FHIT: variants seen among roughly 807,000 people sequenced by gnomAD.
FHIT encodes the protein bis(5'-adenosyl)-triphosphatase.
In FHIT, 19 loss-of-function variants were observed where a neutral mutation model predicts 17.9. The observed-to-expected ratio is 1.06, with a 90% CI of 0.74 to 1.56. FHIT has a LOEUF of 1.56. FHIT is among the 40% of genes most tolerant of loss of function. The pLI is 0.00. For synonymous variants in FHIT, 81 were observed against 69.7 expected, an observed-to-expected ratio of 1.16 and a Z score of -0.81; for missense variants, 248 against 189.2, an observed-to-expected ratio of 1.31 and a Z score of -1.82.
intron 5 of FHIT, among the ~76,000 whole-genome samples, chr3:60,356,141 T>C (rs1434462202): frequency 6.6e-6 from 1 of 152,118 alleles, no homozygotes; most frequent in Non-Finnish European, 1.5e-5. Flanking sequence ...CATTTATGAG[T>C]GGTATTTAAA....
At chr3:60,566,202 G>A (rs1438180168) in intron 4 of FHIT, among the ~76,000 whole-genome samples, 1 of 152,106 alleles carries the variant, frequency 6.6e-6, no homozygotes, top group African/African-American at 2.4e-5. Context: ...TGGAATCAGT[G>A]CGGTGCGGTG....
intron 2 of FHIT, among the ~76,000 whole-genome samples, chr3:61,043,218 A>G (rs959747853): frequency 7.2e-5 from 11 of 152,222 alleles, no homozygotes; most frequent in African/African-American, 2.4e-4. Flanking sequence ...GGAAGCTGTG[A>G]CAAATGGTAC....
intron 4 of FHIT, among the ~76,000 whole-genome samples, chr3:60,660,141 A>G (rs2040206346): frequency 6.6e-6 from 1 of 152,200 alleles, no homozygotes; most frequent in African/African-American, 2.4e-5. Context: ...AAGAAAAAAA[A>G]TGAAAACAAA....
At chr3:59,957,875 C>G (rs1017793088) in intron 7 of FHIT, among the ~76,000 whole-genome samples, 1 of 152,274 alleles carries the variant, frequency 6.6e-6, no homozygotes, top group Non-Finnish European at 1.5e-5. Flanking sequence ...ACTCAGTAAA[C>G]AAATATTTCT....
intron 2 of FHIT, among the ~76,000 whole-genome samples, chr3:61,070,712 C>T (rs2034775900): frequency 6.6e-6 from 1 of 152,118 alleles, no homozygotes; most frequent in South Asian, 2.1e-4. Flanking sequence ...TCTTTGTACC[C>T]CCTGAAATAC....
chr3:60,022,765 A>T (rs954376380), intron 5 of FHIT, among the ~76,000 whole-genome samples: 2 of 152,210 alleles, frequency 1.3e-5, no homozygotes, highest in African/African-American at 4.8e-5. Context: ...GGAGGAAAAA[A>T]ATATTAGCGT....
chr3:60,758,982 C>T (rs566949314), intron 4 of FHIT, among the ~76,000 whole-genome samples: 11 of 152,124 alleles, frequency 7.2e-5, no homozygotes, highest in South Asian at 2.1e-4. Context: ...CAAGCTACGG[C>T]GATGTCCAGG....
rs115153582 is a variant in FHIT, at chr3:60,172,984, A to G, written c.104-158832T>C. ...ATGATATGGGTAACGAATAAAACAC[A>G]TTCCCCCTATCTCCATTCTGTATGT... On this transcript the variant is annotated intron_variant, in intron 5 of 9. Coordinates refer to ENST00000492590, the MANE Select transcript of FHIT (RefSeq NM_002012.4). 8.1e-3 allele frequency among the ~76,000 whole-genome samples: 1,235 copies of G among 152,254 alleles called. 5 individuals are homozygous for G. The highest frequency in any genetic ancestry group is 0.017 in the Middle Eastern group (5 of 294).
At chr3:60,139,381 A>G (rs1699940093) in intron 5 of FHIT, among the ~76,000 whole-genome samples, 1 of 33,414 alleles carries the variant, frequency 3.0e-5, no homozygotes, top group Non-Finnish European at 5.4e-5. Flanking sequence ...TAACCAGAGA[A>G]CTAAAAAGGG....
chr3:60,782,530 ACT>A lies in FHIT; in HGVS notation c.-18+39387_-18+39388del, dbSNP rs1228602102. On this transcript the variant is annotated intron_variant, in intron 4 of 9. Coordinates refer to ENST00000492590, the MANE Select transcript of FHIT (RefSeq NM_002012.4). ...CAATGCTTGATGCTATCCCTGACAC[ACT>A]CTCTCTAGCAACAAGTTCCTTTTCT... Among the ~76,000 whole-genome samples the A allele has an allele frequency of 1.3e-5, 2 of 151,978 alleles. 1 individual carries two copies. Among genetic ancestry groups the A allele is most frequent in the African/African-American group, 4.8e-5 (2 of 41,366 alleles).
At chr3:59,780,607 G>T (rs1276373855) in intron 8 of FHIT, among the ~76,000 whole-genome samples, 3 of 152,188 alleles carry the variant, frequency 2.0e-5, no homozygotes, top group South Asian at 2.1e-4. Context: ...GGCCTTCGCA[G>T]AGGTGATTAG....
intron 5 of FHIT, among the ~76,000 whole-genome samples, chr3:60,519,874 C>CT (rs2035295210): frequency 6.6e-6 from 1 of 152,070 alleles, no homozygotes; most frequent in Non-Finnish European, 1.5e-5. Context: ...TGAGAGATCA[C>CT]TTTTTACTGT....
chr3:60,173,073 CT>C (rs1425223785), intron 5 of FHIT, among the ~76,000 whole-genome samples: 2 of 152,116 alleles, frequency 1.3e-5, no homozygotes, highest in Non-Finnish European at 2.9e-5. Context: ...ATTACAGCAG[CT>C]GAAATTTGCT....
intron 1 of FHIT, among the ~76,000 whole-genome samples, chr3:61,207,261 G>C (rs1223141807): frequency 1.3e-5 from 2 of 152,106 alleles, no homozygotes; most frequent in African/African-American, 2.4e-5. Flanking sequence ...GTTCATCAGG[G>C]ATATTGATCT....
At chr3:60,275,229 A>G (rs151056221) in intron 5 of FHIT, among the ~76,000 whole-genome samples, 3,423 of 128,528 alleles carry the variant, frequency 0.027, 60 homozygotes, top group Middle Eastern at 0.082. Flanking sequence ...CTGGAAGAAA[A>G]GAAAAAAAAA....
In FHIT at chr3:60,014,060, C is replaced by T. The variant is rs769130211; in HGVS notation, c.196G>A (p.Gly66Arg). The T allele has an allele frequency of 2.9e-5, 46 of 1,613,840 alleles. No homozygotes were observed. Among genetic ancestry groups the T allele is most frequent in the Admixed American group, 1.3e-4 (8 of 59,988 alleles). ...ADLFQTTQRV[G>R]TVVEKHFHGT... ...TGGAAATGTTTTTCCACCACTGTCC[C>T]GACTCTCTGGGTCGTCTGAAACAAA... The change falls in exon 6 of 10, where the codon GGG becomes AGG. Residue 66 changes from glycine to arginine, a missense_variant. Gly to Arg is a moderately radical substitution (Grantham distance 125). Coordinates refer to ENST00000492590, the MANE Select transcript of FHIT (RefSeq NM_002012.4).
intron 5 of FHIT, among the ~76,000 whole-genome samples, chr3:60,406,446 CA>C (rs1278322443): frequency 8.5e-5 from 13 of 152,174 alleles, no homozygotes; most frequent in Non-Finnish European, 1.9e-4. Context: ...CCACTGGAGC[CA>C]ATGCTGCCAC....
chr3:59,890,885 TC>T (rs982574722), intron 8 of FHIT, among the ~76,000 whole-genome samples: 5 of 151,860 alleles, frequency 3.3e-5, no homozygotes, highest in South Asian at 2.1e-4. Flanking sequence ...CCTTCATTTC[TC>T]CCCCCCAACA....
rs113080328 is a variant in FHIT at position 60,340,768 on chromosome 3, C to T, written c.103+196092G>A. Among the ~76,000 whole-genome samples, 449 of 152,134 alleles carry T rather than the reference C, an allele frequency of 3.0e-3. 4 individuals carry two copies. The highest frequency in any genetic ancestry group is 0.01 in the African/African-American group (426 of 41,514). On this transcript the variant is annotated intron_variant, in intron 5 of 9. Transcript: ENST00000492590. The stretch of plus-strand genomic sequence containing the variant: ...TGTTGCCCAGGCTGCAGTGCAGTGG[C>T]GTCATCTTGGCTCACCACAACCTTT...
Sources: gnomAD v4.1 joint callset for allele counts (sites outside exome capture counted in the v4.1 genomes callset) on GRCh38, gnomAD v4.1.1 for gene constraint, MANE v1.5 for transcripts, NCBI Gene and HGNC (gene_info 2026-07-23, HGNC 2026-07-21) for gene names.